Variants in SRGAP3 observed in about 807,000 individuals in gnomAD.
The protein encoded by SRGAP3 is SLIT-ROBO Rho GTPase-activating protein 3.
A neutral mutation model predicts 121.1 loss-of-function variants in SRGAP3; 39 were observed. The ratio of observed to expected loss-of-function variants is 0.32; its 90% CI spans 0.25 to 0.42. The LOEUF is 0.42. Ranked by LOEUF, SRGAP3 falls within the 10% of genes least tolerant of loss-of-function variation. SRGAP3 has a pLI of 1.00. For missense variants in SRGAP3, 1,213 were observed against 1,470.6 expected, an observed-to-expected ratio of 0.82 and a Z score of 2.86; for synonymous variants, 601 against 570.0, an observed-to-expected ratio of 1.05 and a Z score of -0.77.
intron 18 of SRGAP3, among the ~76,000 whole-genome samples, chr3:8,998,820 A>G (rs1481846190): frequency 6.6e-6 from 1 of 152,114 alleles, no homozygotes; most frequent in Non-Finnish European, 1.5e-5. Flanking sequence ...ATTTAATCCC[A>G]TAACAACATT....
chr3:9,202,682 G>A (rs1468603345), intron 1 of SRGAP3, among the ~76,000 whole-genome samples: 1 of 152,154 alleles, frequency 6.6e-6, no homozygotes, highest in African/African-American at 2.4e-5. Flanking sequence ...TCCACTCTGT[G>A]GGAACCCCTG....
intron 9 of SRGAP3, among the ~76,000 whole-genome samples, chr3:9,051,944 C>T (rs1945599390): frequency 6.6e-6 from 1 of 152,076 alleles, no homozygotes; most frequent in Admixed American, 6.5e-5. Context: ...AACTCCTGAG[C>T]TCAGGCAATC....
chr3:8,980,718 G>C lies in SRGAP3; in HGVS notation c.*4801C>G, dbSNP rs1941371424. The C allele has an allele frequency of 8.6e-6, 2 of 232,840 alleles. No homozygotes were observed. Among genetic ancestry groups the C allele is most frequent in the Non-Finnish European group, 1.7e-5 (2 of 117,590 alleles). 14.4% of individuals were successfully genotyped at this position (232,840 alleles called of 1,614,324 possible). ...GACGGGCGTTTGGTCGTAAGGTAGA[G>C]AAACGATATCCAGAAGAGGGCAACA... On this transcript the variant is annotated 3_prime_UTR_variant, in exon 22 of 22. Transcript: ENST00000383836.
intron 1 of SRGAP3, among the ~76,000 whole-genome samples, chr3:9,228,867 C>A (rs1953090910): frequency 6.6e-6 from 1 of 151,624 alleles, no homozygotes; most frequent in Non-Finnish European, 1.5e-5. Flanking sequence ...TCGAGACCAT[C>A]CTGGCTAACA....
chr3:9,295,820 T>C (rs1325396093), intron 3 of SRGAP3, among the ~76,000 whole-genome samples: 2 of 152,304 alleles, frequency 1.3e-5, no homozygotes, highest in East Asian at 3.9e-4. Flanking sequence ...TTCCCCAGCC[T>C]CTGGTAACCT....
chr3:9,136,883 G>C (rs1949684512), intron 1 of SRGAP3, among the ~76,000 whole-genome samples: 1 of 152,232 alleles, frequency 6.6e-6, no homozygotes, highest in Non-Finnish European at 1.5e-5. Context: ...TCTGGGATCA[G>C]ACTTGGCTGA....
rs150448061 is a variant in SRGAP3 at position 9,260,277 on chromosome 3, G to A, written n.442+65733C>T. Among the ~76,000 whole-genome samples, 30 of 152,254 alleles carry A rather than the reference G, an allele frequency of 2.0e-4. No homozygotes were observed. The East Asian group carries it at 5.4e-3, about 27-fold the overall frequency. On this transcript the variant is annotated intron_variant and non_coding_transcript_variant, in intron 3 of 3. Coordinates refer to the SRGAP3 transcript ENST00000490889. Reference sequence around the variant, plus strand: ...GGAGTTTTTTTCGTACCCCAGTGGTGCCTGGAATGCCAGAGAGATAGAACC... The same window carrying A: ...GGAGTTTTTTTCGTACCCCAGTGGTACCTGGAATGCCAGAGAGATAGAACC...
chr3:9,006,574 T>C (rs1214190445), intron 18 of SRGAP3, among the ~76,000 whole-genome samples: 1 of 152,168 alleles, frequency 6.6e-6, no homozygotes, highest in Non-Finnish European at 1.5e-5. Flanking sequence ...CAAACAACTG[T>C]ATTCTGTACA....
intron 1 of SRGAP3, among the ~76,000 whole-genome samples, chr3:9,246,125 G>A (rs1363934886): frequency 1.3e-5 from 2 of 152,150 alleles, no homozygotes; most frequent in Non-Finnish European, 2.9e-5. Context: ...AAAAAATACT[G>A]TTCTAAAACA....
chr3:8,986,225 GC>G (rs1941696792), intron 21 of SRGAP3, among the ~76,000 whole-genome samples: 1 of 152,146 alleles, frequency 6.6e-6, no homozygotes, highest in African/African-American at 2.4e-5. Flanking sequence ...CCACTTCCTT[GC>G]TATGTGACCT....
At chr3:9,042,753 G>A (rs948783011) in intron 10 of SRGAP3, among the ~76,000 whole-genome samples, 1 of 152,210 alleles carries the variant, frequency 6.6e-6, no homozygotes, top group Non-Finnish European at 1.5e-5. Flanking sequence ...TCCTGTTAGA[G>A]CTGATGGCAG....
At chr3:9,019,053 T>G (rs1261514908) in intron 14 of SRGAP3, among the ~76,000 whole-genome samples, 1 of 152,236 alleles carries the variant, frequency 6.6e-6, no homozygotes, top group Admixed American at 6.5e-5. Flanking sequence ...TTATTATTTT[T>G]TTAAAGGCTG....
chr3:9,112,978 AAAG>A (rs960816373), intron 2 of SRGAP3, among the ~76,000 whole-genome samples: 2 of 152,224 alleles, frequency 1.3e-5, no homozygotes, highest in African/African-American at 4.8e-5. Flanking sequence ...GCACAGTGAT[AAAG>A]AAGAGCATTC....
chr3:9,334,411 T>C (rs1272155902), intron 1 of SRGAP3, among the ~76,000 whole-genome samples: 1 of 152,058 alleles, frequency 6.6e-6, no homozygotes, highest in Non-Finnish European at 1.5e-5. Flanking sequence ...CAATGTGATA[T>C]GTGTTGTACT....
In SRGAP3 at chr3:8,982,684, T is replaced by C. The variant is rs186317743; in HGVS notation, c.*2835A>G. The stretch of plus-strand genomic sequence containing the variant: ...TGGAGGGTGAGTGAGACATGCATAG[T>C]GCCAGATGAGGAAGTGGGAACAGGG... On this transcript the variant is annotated 3_prime_UTR_variant, in exon 22 of 22. Transcript: ENST00000383836. 7.3e-4 allele frequency: 98 copies of C among 135,054 alleles called. No individual in the cohort carries two copies. The South Asian group carries it at 9.7e-3, about 13-fold the overall frequency. The allele number at this position is 135,054 out of a possible 1,614,324, so 8.4% of individuals were successfully genotyped here.
intron 3 of SRGAP3, among the ~76,000 whole-genome samples, chr3:9,301,554 T>C (rs746096058): frequency 1.3e-5 from 2 of 152,168 alleles, no homozygotes; most frequent in African/African-American, 2.4e-5. Context: ...CTACAGACCA[T>C]GGTTTCTGTA....
Position 8,984,603 on chromosome 3 carries a change from TCC to T in SRGAP3, c.*914_*915del, listed in dbSNP as rs1941581522. ...TACGATGGGGCTTAGGTTCTCACTA[TCC>T]CCCGTCTCTACACACAAACACAAGG... On this transcript the variant is annotated 3_prime_UTR_variant, in exon 22 of 22. Transcript: ENST00000383836. 1 of 232,228 alleles carries T rather than the reference TCC, an allele frequency of 4.3e-6. No individual in the cohort carries two copies. Among genetic ancestry groups the T allele is most frequent in the Non-Finnish European group, 8.5e-6 (1 of 117,582 alleles). The allele number at this position is 232,228 out of a possible 1,614,324, so 14.4% of individuals were successfully genotyped here.
rs767652463 is a variant in SRGAP3, at chr3:9,163,986, C to CTT, written c.68-39071_68-39070dup. 1.0e-3 allele frequency among the ~76,000 whole-genome samples: 83 copies of CTT among 83,320 alleles called. 6 individuals carry two copies. The highest frequency in any genetic ancestry group is 1.4e-3 in the African/African-American group (28 of 19,968). 54.7% of individuals were successfully genotyped at this position (83,320 alleles called of 152,430 possible). ...TTTAATGCTCCCAGCAACTACTATT[C>CTT]TTTTTTTTTTTTTTTTTTTTTTTTT... On this transcript the variant is annotated intron_variant, in intron 1 of 21. Coordinates refer to ENST00000383836, the MANE Select transcript of SRGAP3 (RefSeq NM_014850.4).
chr3:9,324,025 C>T (rs1955477236), intron 3 of SRGAP3, among the ~76,000 whole-genome samples: 2 of 151,720 alleles, frequency 1.3e-5, no homozygotes, highest in Admixed American at 1.3e-4. Flanking sequence ...GGTAAAGTGA[C>T]GTACAGGAAT....
Sources: allele counts gnomAD v4.1 joint callset (sites outside exome capture counted in the v4.1 genomes callset), GRCh38; gene constraint gnomAD v4.1.1; transcripts MANE v1.5; gene names NCBI Gene and HGNC (gene_info 2026-07-23, HGNC 2026-07-21).